Variants in DLGAP2 observed in about 807,000 individuals in gnomAD.
DLGAP2 encodes DLG associated protein 2.
DLGAP2 carries 26 observed loss-of-function variants against 100.3 expected under a neutral mutation model. The ratio of observed to expected loss-of-function variants is 0.26; its 90% CI spans 0.19 to 0.36. The LOEUF (loss-of-function observed/expected upper bound fraction) is 0.36, where lower values mean the gene tolerates loss of function less well. DLGAP2 is among the 10% of genes least tolerant of loss of function. The pLI is 1.00. For missense variants in DLGAP2, 1,858 were observed against 1,453.2 expected, an observed-to-expected ratio of 1.28 and a Z score of -4.53; for synonymous variants, 886 against 630.1, an observed-to-expected ratio of 1.41 and a Z score of -6.08.
chr8:937,147 C>G (rs1414326918), intron 2 of DLGAP2, among the ~76,000 whole-genome samples: 3 of 152,176 alleles, frequency 2.0e-5, no homozygotes, highest in Non-Finnish European at 4.4e-5. Flanking sequence ...CCTCAAGTCT[C>G]CCTCGCTCGC....
At chr8:1,315,954 C>G (rs1800731860) in intron 3 of DLGAP2, among the ~76,000 whole-genome samples, 1 of 135,940 alleles carries the variant, frequency 7.4e-6, no homozygotes, top group South Asian at 2.5e-4. Context: ...CAGTGGTCTA[C>G]ACTCGAGAAA....
At chr8:1,257,512 C>T (rs894564379) in intron 2 of DLGAP2, among the ~76,000 whole-genome samples, 1 of 78,272 alleles carries the variant, frequency 1.3e-5, no homozygotes, top group Non-Finnish European at 3.4e-5. Context: ...TTTCCTGGGA[C>T]GTCTGTGCTC....
intron 3 of DLGAP2, among the ~76,000 whole-genome samples, chr8:1,438,312 A>G (rs1296617575): frequency 6.6e-6 from 1 of 152,140 alleles, no homozygotes; most frequent in Non-Finnish European, 1.5e-5. Flanking sequence ...GGGTCTTTCC[A>G]TTACTGAGAA....
chr8:1,651,200 G>A (rs1798154843), intron 8 of DLGAP2, among the ~76,000 whole-genome samples: 1 of 152,212 alleles, frequency 6.6e-6, no homozygotes, highest in Non-Finnish European at 1.5e-5. Flanking sequence ...CCTCACAGCA[G>A]AAGGGCCAGG....
intron 1 of DLGAP2, among the ~76,000 whole-genome samples, chr8:857,848 T>C (rs983813659): frequency 8.6e-5 from 13 of 151,486 alleles, no homozygotes; most frequent in Non-Finnish European, 1.9e-4. Flanking sequence ...TGAAAACTTC[T>C]GTTCACACAA....
At chr8:1,281,689 A>G (rs545104585) in intron 3 of DLGAP2, among the ~76,000 whole-genome samples, 2 of 152,098 alleles carry the variant, frequency 1.3e-5, no homozygotes, top group South Asian at 2.1e-4. Context: ...AGCTCCCCAC[A>G]CTCCCTAAGG....
chr8:1,331,667 CGTG>C (rs1440256377), intron 3 of DLGAP2, among the ~76,000 whole-genome samples: 1 of 152,168 alleles, frequency 6.6e-6, no homozygotes, highest in Non-Finnish European at 1.5e-5. Flanking sequence ...ATACGACAAA[CGTG>C]GTAAAAATAT....
intron 1 of DLGAP2, among the ~76,000 whole-genome samples, chr8:825,658 A>G (rs896830750): frequency 3.9e-5 from 6 of 152,204 alleles, no homozygotes; most frequent in African/African-American, 1.2e-4. Context: ...TGATTTTATC[A>G]ATGAACCAGA....
chr8:776,587 C>T (rs1016045435), intron 1 of DLGAP2, among the ~76,000 whole-genome samples: 1 of 152,220 alleles, frequency 6.6e-6, no homozygotes, highest in South Asian at 2.1e-4. Context: ...ATCTTTATTT[C>T]TGCCTTCATT....
chr8:1,114,144 T>C (rs1013879392), intron 2 of DLGAP2, among the ~76,000 whole-genome samples: 1 of 152,198 alleles, frequency 6.6e-6, no homozygotes, highest in African/African-American at 2.4e-5. Context: ...ATCAAGGATA[T>C]TGGCCTGAAG....
In DLGAP2 at chr8:1,000,496, G is replaced by A. The variant is rs370820322; in HGVS notation, c.73+92530G>A. ...TCTAGAGCGGACAGATCCGGGTGGG[G>A]GTGGTTTTCTTTTGCAATGGATTTT... On this transcript the variant is annotated intron_variant, in intron 2 of 14. Transcript: ENST00000637795. Among the ~76,000 whole-genome samples, 8 of 151,824 alleles carry A rather than the reference G, an allele frequency of 5.3e-5. No individual in the cohort carries two copies. The East Asian group carries it at 9.7e-4, about 18-fold the overall frequency.
intron 2 of DLGAP2, among the ~76,000 whole-genome samples, chr8:1,024,449 C>G (rs1028740675): frequency 1.3e-5 from 2 of 152,120 alleles, no homozygotes; most frequent in East Asian, 1.9e-4. Flanking sequence ...CCCACCCTCC[C>G]TGGGGGTGGA....
At chr8:1,605,274 C>G (rs1796758914) in intron 6 of DLGAP2, among the ~76,000 whole-genome samples, 1 of 152,192 alleles carries the variant, frequency 6.6e-6, no homozygotes, top group Admixed American at 6.5e-5. Flanking sequence ...CAGCTCCCTA[C>G]TACTCAGGGG....
intron 1 of DLGAP2, among the ~76,000 whole-genome samples, chr8:892,836 T>G (rs1798064184): frequency 6.6e-6 from 1 of 152,158 alleles, no homozygotes; most frequent in African/African-American, 2.4e-5. Flanking sequence ...TGCAGCTTCT[T>G]AGTCCTACAG....
chr8:1,246,900 A>ACGTCGGTG (rs1563036468), intron 2 of DLGAP2: 20 of 103,014 alleles, frequency 1.9e-4, no homozygotes, highest in South Asian at 3.4e-4. Context: ...GTTGGTGTCC[A>ACGTCGGTG]GCAAGACCTT....
intron 3 of DLGAP2, among the ~76,000 whole-genome samples, chr8:1,426,490 C>G (rs765294743): frequency 6.6e-6 from 1 of 152,070 alleles, no homozygotes; most frequent in Non-Finnish European, 1.5e-5. Flanking sequence ...TCCCAGAGGT[C>G]GACAGAAAAG....
chr8:1,510,164 C>G (rs184282405), intron 4 of DLGAP2, among the ~76,000 whole-genome samples: 2 of 152,174 alleles, frequency 1.3e-5, no homozygotes, highest in Admixed American at 6.5e-5. Context: ...GAAAAGGAGT[C>G]GGAATTTGTC....
intron 3 of DLGAP2, among the ~76,000 whole-genome samples, chr8:1,463,743 C>G (rs961654981): frequency 6.6e-6 from 1 of 152,260 alleles, no homozygotes; most frequent in African/African-American, 2.4e-5. Flanking sequence ...GTGAGCGGCC[C>G]AGGCCCTCCT....
At chr8:1,017,842 C>G (rs1040108959) in intron 2 of DLGAP2, among the ~76,000 whole-genome samples, 2 of 152,258 alleles carry the variant, frequency 1.3e-5, no homozygotes, top group South Asian at 4.1e-4. Context: ...AGGCCTCCAG[C>G]TGCTTTAGTT....
Sources: allele counts gnomAD v4.1 joint callset (sites outside exome capture counted in the v4.1 genomes callset), GRCh38; gene constraint gnomAD v4.1.1; transcripts MANE v1.5; gene names NCBI Gene and HGNC (gene_info 2026-07-23, HGNC 2026-07-21).